The following ZRANB3 variants were observed in gnomAD, a reference collection of about 807,000 sequenced individuals.
The protein encoded by ZRANB3 is zinc finger RANBP2-type containing 3, also known as DNA annealing helicase and endonuclease ZRANB3.
A neutral mutation model predicts 133.8 loss-of-function variants in ZRANB3; 125 were observed. The ratio of observed to expected loss-of-function variants is 0.93; its 90% CI spans 0.81 to 1.08. The LOEUF (loss-of-function observed/expected upper bound fraction) is 1.08, where lower values mean the gene tolerates loss of function less well. ZRANB3 is among the 50% of genes least tolerant of loss of function. ZRANB3 has a pLI of 0.00. For synonymous variants in ZRANB3, 387 were observed against 432.7 expected (o/e 0.89, Z 1.31); for missense variants, 1,229 against 1,275.5 (o/e 0.96, Z 0.56).
intron 2 of ZRANB3, among the ~76,000 whole-genome samples, chr2:135,436,664 A>G (rs1558998474): frequency 1.3e-5 from 2 of 152,228 alleles, no homozygotes; most frequent in South Asian, 4.1e-4. Context: ...CAAAGAATCA[A>G]TATCATTAAA....
At position 135,297,305 on chromosome 2, in the gene ZRANB3, A is replaced by G. The variant is rs1450776695; in HGVS notation, c.966+16184T>C. Among the ~76,000 whole-genome samples, 3 of 152,124 alleles carry G rather than the reference A, an allele frequency of 2.0e-5. No homozygotes were observed. In the East Asian group the frequency reaches 5.8e-4, roughly 29 times the overall value. ...GCACCCCTCCCCCAGCCTCGCTGCC[A>G]CCTTGCAGTTTGATCTCAGACTGCT... is the stretch of plus-strand genomic sequence containing the variant. On this transcript the variant is annotated intron_variant, in intron 8 of 20. Coordinates refer to ENST00000264159, the MANE Select transcript of ZRANB3 (RefSeq NM_032143.4).
chr2:135,263,107 T>A (rs529200105), intron 12 of ZRANB3, among the ~76,000 whole-genome samples: 1 of 152,300 alleles, frequency 6.6e-6, no homozygotes, highest in African/African-American at 2.4e-5. Context: ...CCCATATCCA[T>A]TCTTCTCTCC....
chr2:135,423,514 T>TA (rs1688951102), intron 2 of ZRANB3, among the ~76,000 whole-genome samples: 1 of 152,260 alleles, frequency 6.6e-6, no homozygotes, highest in Non-Finnish European at 1.5e-5. Flanking sequence ...TCTAATCCAG[T>TA]ATGGTCTCAT....
chr2:135,249,222 C>T (rs181685107), intron 12 of ZRANB3, among the ~76,000 whole-genome samples: 4 of 152,158 alleles, frequency 2.6e-5, no homozygotes, highest in African/African-American at 4.8e-5. Flanking sequence ...AACTACCATT[C>T]GAACCAGCAA....
At chr2:135,366,733 T>A (rs963136482) in intron 3 of ZRANB3, among the ~76,000 whole-genome samples, 1 of 152,076 alleles carries the variant, frequency 6.6e-6, no homozygotes, top group Non-Finnish European at 1.5e-5. Context: ...AAAATTAATT[T>A]TTAGGCCGGG....
At chr2:135,242,013 C>A (rs1695573228) in intron 12 of ZRANB3, among the ~76,000 whole-genome samples, 1 of 151,948 alleles carries the variant, frequency 6.6e-6, no homozygotes, top group South Asian at 2.1e-4. Flanking sequence ...AACCCCAGCT[C>A]TACAAAAAAT....
intron 12 of ZRANB3, among the ~76,000 whole-genome samples, chr2:135,232,031 C>G (rs1323739019): frequency 6.6e-6 from 1 of 152,182 alleles, no homozygotes; most frequent in Admixed American, 6.5e-5. Context: ...TCAGGGAATT[C>G]CCTTTCCTAG....
At position 135,483,823 on chromosome 2, in the gene ZRANB3, G is replaced by A. The variant is rs562545867; in HGVS notation, c.161+20506C>T. On this transcript the variant is annotated intron_variant, in intron 2 of 20. Coordinates refer to ENST00000264159, the MANE Select transcript of ZRANB3 (RefSeq NM_032143.4). ...TCTGGTGTGTTGTGTCTTTGTTGTCGTTGGTTTCAAAGAATATCTTTATTT... is the reference window on the plus strand; with the variant it reads ...TCTGGTGTGTTGTGTCTTTGTTGTCATTGGTTTCAAAGAATATCTTTATTT... 1.5e-3 allele frequency among the ~76,000 whole-genome samples: 224 copies of A among 152,238 alleles called. 1 individual carries two copies. The highest frequency in any genetic ancestry group is 0.012 in the South Asian group (56 of 4,826).
chr2:135,467,724 T>G (rs1334798056), intron 2 of ZRANB3, among the ~76,000 whole-genome samples: 1 of 152,202 alleles, frequency 6.6e-6, no homozygotes, highest in Non-Finnish European at 1.5e-5. Flanking sequence ...CTCTCTAGCT[T>G]CCAGCCATTC....
At chr2:135,495,803 T>G (rs1007066147) in intron 2 of ZRANB3, among the ~76,000 whole-genome samples, 2 of 152,168 alleles carry the variant, frequency 1.3e-5, no homozygotes. Flanking sequence ...TGACTGAGGT[T>G]TTTGAAAACA....
At chr2:135,507,193 T>G (rs891777621) in intron 1 of ZRANB3, among the ~76,000 whole-genome samples, 1 of 151,864 alleles carries the variant, frequency 6.6e-6, no homozygotes, top group Non-Finnish European at 1.5e-5. Flanking sequence ...AGTGATGGAG[T>G]TAGTGATGCA....
At chr2:135,431,106 C>A (rs1459873512) in intron 2 of ZRANB3, among the ~76,000 whole-genome samples, 1 of 149,516 alleles carries the variant, frequency 6.7e-6, no homozygotes, top group Non-Finnish European at 1.5e-5. Context: ...GAGACTCTAT[C>A]CCTAAAAAAA....
chr2:135,466,402 A>AT (rs1691001109), intron 2 of ZRANB3, among the ~76,000 whole-genome samples: 1 of 148,046 alleles, frequency 6.8e-6, no homozygotes. Context: ...AAAAAAAAAA[A>AT]AAAAAAAATA....
intron 2 of ZRANB3, among the ~76,000 whole-genome samples, chr2:135,491,405 C>T (rs1270046445): frequency 6.6e-6 from 1 of 152,148 alleles, no homozygotes; most frequent in East Asian, 1.9e-4. Flanking sequence ...AATGCAGCGG[C>T]ACAATCTTGG....
chr2:135,241,545 A>G (rs927314197), intron 12 of ZRANB3, among the ~76,000 whole-genome samples: 1 of 151,930 alleles, frequency 6.6e-6, no homozygotes, highest in Admixed American at 6.6e-5. Flanking sequence ...ATGACACTTG[A>G]TCGTCCCTTC....
chr2:135,258,315 G>A (rs961467321), intron 12 of ZRANB3, among the ~76,000 whole-genome samples: 3 of 152,168 alleles, frequency 2.0e-5, no homozygotes, highest in African/African-American at 7.2e-5. Flanking sequence ...AGTAAAAAGG[G>A]CTCCCTGGAG....
intron 15 of ZRANB3, among the ~76,000 whole-genome samples, chr2:135,220,038 A>C (rs532961307): frequency 2.0e-5 from 3 of 151,758 alleles, no homozygotes; most frequent in Admixed American, 1.3e-4. Flanking sequence ...CGCCTGGCTA[A>C]TTTTTTATAT....
chr2:135,392,031 T>C (rs958665601), intron 2 of ZRANB3, among the ~76,000 whole-genome samples: 3 of 152,162 alleles, frequency 2.0e-5, no homozygotes, highest in Admixed American at 6.5e-5. Context: ...AGGGAAAGAA[T>C]AGCAGGCATG....
At chr2:135,215,624 C>T (rs1356316349) in intron 17 of ZRANB3, among the ~76,000 whole-genome samples, 2 of 152,176 alleles carry the variant, frequency 1.3e-5, no homozygotes, top group African/African-American at 2.4e-5. Context: ...ATAGTCTCAG[C>T]CCATATCTCA....
Sources: gnomAD v4.1 joint callset for allele counts (sites outside exome capture counted in the v4.1 genomes callset) on GRCh38, gnomAD v4.1.1 for gene constraint, MANE v1.5 for transcripts, NCBI Gene and HGNC (gene_info 2026-07-23, HGNC 2026-07-21) for gene names.